The following SLC44A5 variants were observed in gnomAD, a reference collection of about 807,000 sequenced individuals.
SLC44A5 encodes solute carrier family 44 member 5, also known as choline transporter-like protein 5.
SLC44A5 carries 57 observed loss-of-function variants against 101.8 expected under a neutral mutation model. The ratio of observed to expected loss-of-function variants is 0.56; its 90% CI spans 0.45 to 0.70. SLC44A5 has a LOEUF of 0.70. Among genes scored for constraint, SLC44A5 ranks in the 30% least tolerant of loss-of-function variants. SLC44A5 has a pLI of 0.00. For missense variants in SLC44A5, 737 were observed against 853.1 expected (o/e 0.86, Z 1.70); for synonymous variants, 281 against 290.9 (o/e 0.97, Z 0.35).
intron 2 of SLC44A5, among the ~76,000 whole-genome samples, chr1:75,463,100 T>C (rs1666595513): frequency 6.6e-6 from 1 of 151,956 alleles, no homozygotes; most frequent in South Asian, 2.1e-4. Context: ...CATTTAACAA[T>C]CAAATTCCCA....
intron 5 of SLC44A5, among the ~76,000 whole-genome samples, chr1:75,284,906 T>C (rs918945610): frequency 6.6e-6 from 1 of 152,128 alleles, no homozygotes; most frequent in Non-Finnish European, 1.5e-5. Context: ...TTGGATTCAG[T>C]TAGTCAGTGT....
the SLC44A5 span, among the ~76,000 whole-genome samples, chr1:75,701,351 C>T: frequency 2.6e-5 from 4 of 152,182 alleles, no homozygotes; most frequent in Non-Finnish European, 5.9e-5. Flanking sequence ...GCTGGTTCAA[C>T]ATACGCAAAT....
At chr1:75,597,758 A>T (rs1193176112) in intron 1 of SLC44A5, among the ~76,000 whole-genome samples, 1 of 152,218 alleles carries the variant, frequency 6.6e-6, no homozygotes, top group Non-Finnish European at 1.5e-5. Context: ...TTGAAACTGG[A>T]CCTCTTTCTT....
At chr1:75,490,685 T>G (rs1360176790) in intron 2 of SLC44A5, among the ~76,000 whole-genome samples, 1 of 152,100 alleles carries the variant, frequency 6.6e-6, no homozygotes, top group Non-Finnish European at 1.5e-5. Flanking sequence ...ATTGTTAGAG[T>G]TTTGTTCTCT....
intron 2 of SLC44A5, among the ~76,000 whole-genome samples, chr1:75,498,037 C>G (rs1373107446): frequency 2.6e-5 from 4 of 152,072 alleles, no homozygotes; most frequent in Admixed American, 6.6e-5. Context: ...AGGTTTTCAT[C>G]ATGTTGAGGA....
In SLC44A5 at chr1:75,297,748, G is replaced by A. The variant is rs180746093; in HGVS notation, c.175+2864C>T. On this transcript the variant is annotated intron_variant, in intron 5 of 23. Coordinates refer to ENST00000370859, the MANE Select transcript of SLC44A5 (RefSeq NM_001130058.2). Reference sequence around the variant, plus strand: ...ACCATCACCAAAGTAGGACAAAGAAGGGCTATTACCATAAAGGTTAGTTTG... The same window carrying A: ...ACCATCACCAAAGTAGGACAAAGAAAGGCTATTACCATAAAGGTTAGTTTG... Among the ~76,000 whole-genome samples the A allele has an allele frequency of 5.9e-5, 9 of 152,158 alleles. No homozygotes were observed. The East Asian group carries it at 1.7e-3, about 29-fold the overall frequency.
chr1:75,467,219 C>G (rs537218405), intron 2 of SLC44A5, among the ~76,000 whole-genome samples: 2 of 151,982 alleles, frequency 1.3e-5, no homozygotes, highest in Admixed American at 1.3e-4. Flanking sequence ...GGTTCATATA[C>G]TGAAAGAATC....
chr1:75,220,510 C>G (rs561737392), intron 14 of SLC44A5, among the ~76,000 whole-genome samples: 1 of 151,920 alleles, frequency 6.6e-6, no homozygotes, highest in South Asian at 2.1e-4. Flanking sequence ...AATATAATGT[C>G]TATTTGCAGT....
At chr1:75,572,409 G>T (rs1367639524) in intron 1 of SLC44A5, among the ~76,000 whole-genome samples, 1 of 152,204 alleles carries the variant, frequency 6.6e-6, no homozygotes, top group Non-Finnish European at 1.5e-5. Flanking sequence ...TTTGAAGCTA[G>T]AATATTCTCC....
At chr1:75,636,979 A>C in the SLC44A5 span, among the ~76,000 whole-genome samples, 2 of 152,194 alleles carry the variant, frequency 1.3e-5, no homozygotes, top group East Asian at 1.9e-4. Flanking sequence ...AAAGATATTC[A>C]TCAAATTATT....
At chr1:75,386,447 A>C (rs918832706) in intron 3 of SLC44A5, among the ~76,000 whole-genome samples, 13 of 152,108 alleles carry the variant, frequency 8.5e-5, no homozygotes, top group African/African-American at 2.9e-4. Context: ...CATGAGTGAA[A>C]TCCCATTCAC....
At chr1:75,293,193 T>C (rs1007203358) in intron 5 of SLC44A5, among the ~76,000 whole-genome samples, 4 of 152,224 alleles carry the variant, frequency 2.6e-5, no homozygotes, top group Non-Finnish European at 5.9e-5. Context: ...GCAAATTATC[T>C]TTTCACTCAT....
the SLC44A5 span, among the ~76,000 whole-genome samples, chr1:75,679,236 C>A: frequency 0.35 from 53,803 of 151,926 alleles, 10,043 homozygotes; most frequent in East Asian, 0.68. Flanking sequence ...GGCAGGCCAA[C>A]GTTCAGATTC....
chr1:75,238,658 A>G (rs775017399), intron 9 of SLC44A5, 22 bp from the exon 10 acceptor site: 1 of 1,475,592 alleles, frequency 6.8e-7, no homozygotes, highest in East Asian at 2.5e-5. Flanking sequence ...AATTAAAATT[A>G]TTGTAATCAC....
At chr1:75,263,377 A>G (rs535371902) in intron 6 of SLC44A5, among the ~76,000 whole-genome samples, 1 of 152,350 alleles carries the variant, frequency 6.6e-6, no homozygotes, top group South Asian at 2.1e-4. Flanking sequence ...AACATATGAA[A>G]AAAAGCTCAT....
intron 2 of SLC44A5, among the ~76,000 whole-genome samples, chr1:75,437,717 A>G (rs1459274392): frequency 6.6e-6 from 1 of 152,170 alleles, no homozygotes; most frequent in Non-Finnish European, 1.5e-5. Flanking sequence ...GATTAGCATC[A>G]TCTCCAACAC....
In SLC44A5 at chr1:75,245,068, C is replaced by G. The variant is rs1220503046; in HGVS notation, c.346-2057G>C. 3.9e-5 allele frequency among the ~76,000 whole-genome samples: 6 copies of G among 152,094 alleles called. No homozygotes were observed. The East Asian group carries it at 1.2e-3, about 29-fold the overall frequency. ...AAGGCATTTGGTGTGGACCCTACAG[C>G]TAAGTTAGCAGGAGAATAACAAAAT... is the stretch of plus-strand genomic sequence containing the variant. On this transcript the variant is annotated intron_variant, in intron 7 of 23. Transcript: ENST00000370859.
intron 3 of SLC44A5, among the ~76,000 whole-genome samples, chr1:75,361,436 T>C (rs1659481978): frequency 6.6e-6 from 1 of 152,008 alleles, no homozygotes; most frequent in South Asian, 2.1e-4. Flanking sequence ...AACTTCACAG[T>C]ATGTTAGTTT....
At chr1:75,268,916 C>T (rs1372718373) in intron 6 of SLC44A5, among the ~76,000 whole-genome samples, 1 of 152,022 alleles carries the variant, frequency 6.6e-6, no homozygotes, top group African/African-American at 2.4e-5. Context: ...ATTACTATTA[C>T]ATAGTGCCTA....
Sources: allele counts gnomAD v4.1 joint callset (sites outside exome capture counted in the v4.1 genomes callset), GRCh38; gene constraint gnomAD v4.1.1; transcripts MANE v1.5; gene names NCBI Gene and HGNC (gene_info 2026-07-23, HGNC 2026-07-21).